The following HS3ST5 variants were observed in gnomAD, a reference collection of about 807,000 sequenced individuals.
HS3ST5 encodes heparan sulfate-glucosamine 3-sulfotransferase 5.
In HS3ST5, 10 loss-of-function variants were observed where a neutral mutation model predicts 25.4. The observed-to-expected ratio is 0.39, with a 90% CI of 0.24 to 0.67. The LOEUF (loss-of-function observed/expected upper bound fraction) is 0.67. HS3ST5 is among the 30% of genes least tolerant of loss of function. The pLI is 0.44. For synonymous variants in HS3ST5, 170 were observed against 162.4 expected, an observed-to-expected ratio of 1.05 and a Z score of -0.36; for missense variants, 324 against 420.7, an observed-to-expected ratio of 0.77 and a Z score of 2.01.
intron 3 of HS3ST5, among the ~76,000 whole-genome samples, chr6:114,093,286 C>T (rs1004254446): frequency 6.6e-6 from 1 of 151,774 alleles, no homozygotes; most frequent in African/African-American, 2.4e-5. Context: ...ATGCACCTGC[C>T]TGTTCTCTTT....
intron 1 of HS3ST5, among the ~76,000 whole-genome samples, chr6:114,284,424 A>C (rs1157704231): frequency 6.6e-6 from 1 of 151,852 alleles, no homozygotes; most frequent in East Asian, 1.9e-4. Context: ...GAAATCTTTT[A>C]TTCTCAAGTA....
chr6:114,126,276 C>T (rs1334011076), intron 3 of HS3ST5, among the ~76,000 whole-genome samples: 1 of 152,102 alleles, frequency 6.6e-6, no homozygotes, highest in Non-Finnish European at 1.5e-5. Flanking sequence ...GCTAGTCATT[C>T]ATAAATAGTA....
At chr6:114,067,313 C>A (rs1773508537) in intron 3 of HS3ST5, among the ~76,000 whole-genome samples, 1 of 152,040 alleles carries the variant, frequency 6.6e-6, no homozygotes, top group Admixed American at 6.6e-5. Flanking sequence ...AAGGCTTTTG[C>A]ATGTAGGGGT....
At chr6:114,096,342 G>A (rs1254837833) in intron 3 of HS3ST5, among the ~76,000 whole-genome samples, 2 of 152,182 alleles carry the variant, frequency 1.3e-5, no homozygotes, top group African/African-American at 4.8e-5. Flanking sequence ...CTACATGAAA[G>A]TATAATGAAG....
At chr6:114,061,752 C>T (rs1001964407) in intron 4 of HS3ST5, among the ~76,000 whole-genome samples, 6 of 152,132 alleles carry the variant, frequency 3.9e-5, no homozygotes, top group Non-Finnish European at 8.8e-5. Context: ...GAGTTCGAAA[C>T]CAGCCTGGCC....
chr6:114,170,905 TA>T (rs1320798747), intron 2 of HS3ST5, among the ~76,000 whole-genome samples: 1 of 152,202 alleles, frequency 6.6e-6, no homozygotes, highest in Non-Finnish European at 1.5e-5. Context: ...AATTAATTTA[TA>T]AAATAGTTCA....
intron 2 of HS3ST5, among the ~76,000 whole-genome samples, chr6:114,219,994 C>T (rs1033879724): frequency 6.6e-6 from 1 of 152,084 alleles, no homozygotes. Context: ...TAGTTGTTTA[C>T]AGCTTCTTCC....
intron 1 of HS3ST5, among the ~76,000 whole-genome samples, chr6:114,254,654 G>T (rs1242111932): frequency 6.6e-6 from 1 of 152,162 alleles, no homozygotes; most frequent in Non-Finnish European, 1.5e-5. Context: ...GTTCCACATG[G>T]CTGGGGAGGC....
At chr6:114,277,682 T>C (rs1773920871) in intron 1 of HS3ST5, among the ~76,000 whole-genome samples, 1 of 151,906 alleles carries the variant, frequency 6.6e-6, no homozygotes, top group Non-Finnish European at 1.5e-5. Context: ...TAGTTCCCGA[T>C]AAGGGAATGT....
At chr6:114,124,738 T>C (rs559782901) in intron 3 of HS3ST5, among the ~76,000 whole-genome samples, 4 of 152,252 alleles carry the variant, frequency 2.6e-5, no homozygotes, top group East Asian at 1.9e-4. Flanking sequence ...GCTTTCTTGG[T>C]CCATGAGACA....
At chr6:114,272,221 G>A (rs983506479) in intron 1 of HS3ST5, among the ~76,000 whole-genome samples, 1 of 152,038 alleles carries the variant, frequency 6.6e-6, no homozygotes, top group African/African-American at 2.4e-5. Context: ...TTGAATCCTA[G>A]ATTTGGTAGA....
intron 2 of HS3ST5, among the ~76,000 whole-genome samples, chr6:114,182,236 G>A (rs1315813986): frequency 1.3e-5 from 2 of 152,024 alleles, no homozygotes; most frequent in Non-Finnish European, 2.9e-5. Context: ...TCATCCCTAA[G>A]CTGCTATCAG....
intron 3 of HS3ST5, among the ~76,000 whole-genome samples, chr6:114,160,247 A>G (rs979540836): frequency 9.9e-5 from 15 of 152,146 alleles, no homozygotes; most frequent in Non-Finnish European, 1.8e-4. Flanking sequence ...TGACACCATG[A>G]TTATTTTTAA....
At chr6:114,092,381 G>A (rs1775163436) in intron 3 of HS3ST5, among the ~76,000 whole-genome samples, 1 of 152,118 alleles carries the variant, frequency 6.6e-6, no homozygotes, top group South Asian at 2.1e-4. Context: ...CTCAGCACTG[G>A]GAAATCTCTC....
intron 1 of HS3ST5, among the ~76,000 whole-genome samples, chr6:114,247,390 T>C (rs747661702): frequency 2.0e-5 from 3 of 152,120 alleles, no homozygotes; most frequent in Middle Eastern, 3.4e-3. Flanking sequence ...AACCGGAAAA[T>C]TGCATCTTTA....
At chr6:114,325,646 AAC>A (rs953737412) in intron 1 of HS3ST5, among the ~76,000 whole-genome samples, 2 of 152,138 alleles carry the variant, frequency 1.3e-5, no homozygotes, top group Non-Finnish European at 2.9e-5. Context: ...TTTTAAGATA[AAC>A]ACACACACAA....
At chr6:114,335,095 G>T (rs1053863034) in intron 1 of HS3ST5, among the ~76,000 whole-genome samples, 1 of 152,102 alleles carries the variant, frequency 6.6e-6, no homozygotes, top group Non-Finnish European at 1.5e-5. Context: ...TAGTGTGAGG[G>T]TTAAATATGG....
At chr6:114,248,274 AT>A (rs1772479680) in intron 1 of HS3ST5, among the ~76,000 whole-genome samples, 1 of 149,920 alleles carries the variant, frequency 6.7e-6, no homozygotes, top group African/African-American at 2.4e-5. Flanking sequence ...TTATACATAC[AT>A]ATGAATGTGA....
chr6:114,273,939 A>G (rs1375864011), intron 1 of HS3ST5, among the ~76,000 whole-genome samples: 1 of 152,062 alleles, frequency 6.6e-6, no homozygotes, highest in Non-Finnish European at 1.5e-5. Flanking sequence ...AAGTAGGGCA[A>G]AGAAGAAAGA....
Sources: gnomAD v4.1 joint callset for allele counts (sites outside exome capture counted in the v4.1 genomes callset) on GRCh38, gnomAD v4.1.1 for gene constraint, MANE v1.5 for transcripts, NCBI Gene and HGNC (gene_info 2026-07-23, HGNC 2026-07-21) for gene names.